Variants in PTPRD observed in about 807,000 individuals in gnomAD.
The protein encoded by PTPRD is receptor-type tyrosine-protein phosphatase delta.
A neutral mutation model predicts 214.5 loss-of-function variants in PTPRD; 34 were observed. The observed-to-expected ratio is 0.16, with a 90% CI of 0.12 to 0.21. The LOEUF (loss-of-function observed/expected upper bound fraction) is 0.21. Ranked by LOEUF, PTPRD falls within the 10% of genes least tolerant of loss-of-function variation. The pLI is 1.00. For missense variants in PTPRD, 2,545 were observed against 2,398.7 expected, an observed-to-expected ratio of 1.06 and a Z score of -1.27; for synonymous variants, 1,128 against 845.7, an observed-to-expected ratio of 1.33 and a Z score of -5.79.
intron 2 of PTPRD, among the ~76,000 whole-genome samples, chr9:10,346,081 GA>G (rs1321080365): frequency 6.6e-6 from 1 of 152,038 alleles, no homozygotes; most frequent in African/African-American, 2.4e-5. Flanking sequence ...CAATTATATT[GA>G]AACACAATTT....
At chr9:10,062,204 CT>C (rs550080378) in intron 3 of PTPRD, among the ~76,000 whole-genome samples, 185 of 152,168 alleles carry the variant, frequency 1.2e-3, no homozygotes, top group African/African-American at 4.1e-3. Flanking sequence ...TTAAAAGATG[CT>C]GAAATAAATT....
At chr9:9,094,620 G>A (rs1361565734) in intron 10 of PTPRD, among the ~76,000 whole-genome samples, 7 of 151,828 alleles carry the variant, frequency 4.6e-5, no homozygotes, top group African/African-American at 9.7e-5. Flanking sequence ...AAATCACAAT[G>A]GAAGAACTTA....
intron 5 of PTPRD, among the ~76,000 whole-genome samples, chr9:9,909,017 T>C (rs145151697): frequency 4.1e-4 from 63 of 151,972 alleles, no homozygotes; most frequent in African/African-American, 1.5e-3. Context: ...TCATATTCTA[T>C]CAATATCACT....
chr9:9,548,240 GA>G (rs1569569183), intron 8 of PTPRD, among the ~76,000 whole-genome samples: 1 of 151,172 alleles, frequency 6.6e-6, no homozygotes, highest in East Asian at 1.9e-4. Flanking sequence ...GTGACTAATA[GA>G]AGATAAATAG....
chr9:9,875,799 A>T (rs1347405715), intron 5 of PTPRD, among the ~76,000 whole-genome samples: 2 of 152,290 alleles, frequency 1.3e-5, no homozygotes, highest in Middle Eastern at 6.8e-3. Flanking sequence ...AACACCAGTT[A>T]ATCTTAGTAA....
intron 8 of PTPRD, among the ~76,000 whole-genome samples, chr9:9,478,570 C>T (rs1044060002): frequency 3.3e-5 from 5 of 152,196 alleles, no homozygotes; most frequent in Non-Finnish European, 1.5e-5. Context: ...CAGATCTTGC[C>T]ACACATTTAG....
At chr9:8,463,458 A>T (rs2096471579) in intron 32 of PTPRD, among the ~76,000 whole-genome samples, 1 of 151,880 alleles carries the variant, frequency 6.6e-6, no homozygotes, top group South Asian at 2.1e-4. Context: ...GGTGATGTTA[A>T]AACAGTTTCA....
intron 10 of PTPRD, among the ~76,000 whole-genome samples, chr9:9,174,307 A>G (rs1159388209): frequency 6.6e-6 from 1 of 152,192 alleles, no homozygotes; most frequent in Non-Finnish European, 1.5e-5. Flanking sequence ...TATTCAATAA[A>G]TAGATGAATG....
chr9:9,988,320 G>A (rs2095793982), intron 4 of PTPRD, among the ~76,000 whole-genome samples: 1 of 152,094 alleles, frequency 6.6e-6, no homozygotes, highest in East Asian at 1.9e-4. Context: ...GTTATTTAGT[G>A]TTTTGTTTTC....
At chr9:9,834,471 A>G (rs925006447) in intron 5 of PTPRD, among the ~76,000 whole-genome samples, 3 of 152,068 alleles carry the variant, frequency 2.0e-5, no homozygotes, top group South Asian at 2.1e-4. Context: ...TTTGCCCCCA[A>G]ATTTGCCTCA....
chr9:8,976,998 A>T (rs1249524714), intron 11 of PTPRD, among the ~76,000 whole-genome samples: 1 of 152,108 alleles, frequency 6.6e-6, no homozygotes, highest in Non-Finnish European at 1.5e-5. Context: ...TCTGCAAAAA[A>T]GAGCCATCCA....
chr9:9,720,107 A>G (rs1016574612), intron 7 of PTPRD, among the ~76,000 whole-genome samples: 5 of 152,172 alleles, frequency 3.3e-5, no homozygotes, highest in Non-Finnish European at 7.4e-5. Context: ...GCAAAACTCA[A>G]GCAGAGGTGC....
chr9:8,370,816 C>A (rs1370773125), intron 39 of PTPRD, among the ~76,000 whole-genome samples: 1 of 152,024 alleles, frequency 6.6e-6, no homozygotes, highest in Non-Finnish European at 1.5e-5. Context: ...TAGGGCCATG[C>A]AACATGGGGA....
intron 14 of PTPRD, among the ~76,000 whole-genome samples, chr9:8,568,972 A>G (rs2090277775): frequency 6.6e-6 from 1 of 152,084 alleles, no homozygotes; most frequent in Admixed American, 6.6e-5. Flanking sequence ...TTTTATATAG[A>G]AATATGCTTC....
At chr9:10,469,981 C>T (rs558041944) in intron 2 of PTPRD, among the ~76,000 whole-genome samples, 1 of 151,180 alleles carries the variant, frequency 6.6e-6, no homozygotes, top group Non-Finnish European at 1.5e-5. Context: ...AGTCAATAGA[C>T]TGGTGTTACC....
At chr9:10,058,048 G>A (rs763498795) in intron 3 of PTPRD, among the ~76,000 whole-genome samples, 1 of 152,048 alleles carries the variant, frequency 6.6e-6, no homozygotes, top group Non-Finnish European at 1.5e-5. Context: ...CAGTATACGG[G>A]TATGTGTGTA....
Position 8,946,161 on chromosome 9 carries a change from C to T in PTPRD, c.-104+72536G>A, listed in dbSNP as rs1268490822. ...GCATTTGTGTTCAAGAAAAAGATAACCAGTTATTAACATCACTTGATAGCC... is the reference window on the plus strand; with the variant it reads ...GCATTTGTGTTCAAGAAAAAGATAATCAGTTATTAACATCACTTGATAGCC... On this transcript the variant is annotated intron_variant, in intron 11 of 45. Transcript: ENST00000381196. Among the ~76,000 whole-genome samples, 4 of 152,108 alleles carry T rather than the reference C, an allele frequency of 2.6e-5. No homozygotes were observed. The East Asian group carries it at 7.7e-4, about 29-fold the overall frequency.
At chr9:8,331,926 T>G (rs972050580) in intron 43 of PTPRD, among the ~76,000 whole-genome samples, 190 bp from the exon 44 acceptor site, 6 of 150,968 alleles carry the variant, frequency 4.0e-5, no homozygotes, top group Non-Finnish European at 8.8e-5. Context: ...CACATACCTT[T>G]AAATCCTAAA....
At chr9:9,692,203 A>C (rs56750932) in intron 7 of PTPRD, among the ~76,000 whole-genome samples, 93,210 of 151,312 alleles carry the variant, frequency 0.62, 29,003 homozygotes, top group South Asian at 0.66. Flanking sequence ...TTTGCCCAGA[A>C]CAATGTGCTG....
Sources: allele counts gnomAD v4.1 joint callset (sites outside exome capture counted in the v4.1 genomes callset), GRCh38; gene constraint gnomAD v4.1.1; transcripts MANE v1.5; gene names NCBI Gene and HGNC (gene_info 2026-07-23, HGNC 2026-07-21).